The following TNRC18 variants were observed in gnomAD, a reference collection of about 807,000 sequenced individuals.
TNRC18 encodes the protein trinucleotide repeat-containing gene 18 protein.
TNRC18 carries 69 observed loss-of-function variants against 226.7 expected under a neutral mutation model. That is an observed-to-expected ratio of 0.30 (90% CI 0.25 to 0.37). The LOEUF is 0.37. TNRC18 is among the 10% of genes least tolerant of loss of function. TNRC18 has a pLI of 1.00. For synonymous variants in TNRC18, 2,449 were observed against 1,927.6 expected (o/e 1.27, Z -7.09); for missense variants, 4,754 against 4,256.6 (o/e 1.12, Z -3.25).
At position 5,356,668 on chromosome 7, in the gene TNRC18, C is replaced by T. The variant is rs1378942650; in HGVS notation, c.5194+248G>A. Reference sequence around the variant, plus strand: ...TCGGCTCCCAACCGCCAATCACGGGCGCCCACCAATCACAAGCACCTGCCT... The same window carrying T: ...TCGGCTCCCAACCGCCAATCACGGGTGCCCACCAATCACAAGCACCTGCCT... On this transcript the variant is annotated intron_variant, in intron 16 of 29. Coordinates refer to ENST00000430969, the MANE Select transcript of TNRC18 (RefSeq NM_001080495.3). Among the ~76,000 whole-genome samples, 3 of 152,164 alleles carry T rather than the reference C, an allele frequency of 2.0e-5. No individual in the cohort carries two copies. The East Asian group carries it at 5.8e-4, about 29-fold the overall frequency.
At position 5,377,634 on chromosome 7, in the gene TNRC18, AGAAGCGGG is replaced by A; in HGVS notation, c.2256-66_2256-59del. 1.3e-6 allele frequency: 2 copies of A among 1,507,376 alleles called. No individual in the cohort carries two copies. The highest frequency in any genetic ancestry group is 1.8e-6 in the Non-Finnish European group (2 of 1,113,752). The allele number at this position is 1,507,376 out of a possible 1,614,324, so 93.4% of individuals were successfully genotyped here. On this transcript the variant is annotated intron_variant, in intron 6 of 29. Coordinates refer to ENST00000430969, the MANE Select transcript of TNRC18 (RefSeq NM_001080495.3). This position sits in a 1 kb window ranked among gnomAD's most constrained non-coding sequence, Gnocchi z 5.8. ...TCGGACAGCCCAGGGGACGAGAGGG[AGAAGCGGG>A]GTTGCCCCAAGGAACTGTTTGCCAC... is the stretch of plus-strand genomic sequence containing the variant.
At chr7:5,398,890 C>G (rs1357280431) in intron 2 of TNRC18, among the ~76,000 whole-genome samples, 1 of 152,176 alleles carries the variant, frequency 6.6e-6, no homozygotes, top group African/African-American at 2.4e-5. Flanking sequence ...TCCCAAAGTG[C>G]TGGGATTACA....
In TNRC18 at chr7:5,308,011, T is replaced by A; in HGVS notation, c.*95A>T. 4 of 1,203,982 alleles carry A rather than the reference T, an allele frequency of 3.3e-6. No homozygotes were observed. The highest frequency in any genetic ancestry group is 4.7e-6 in the Non-Finnish European group (4 of 859,990). 74.6% of individuals were successfully genotyped at this position (1,203,982 alleles called of 1,614,324 possible). A position where few individuals can be genotyped will look rare whatever the true frequency, so the allele number is the denominator to read the frequency against. On this transcript the variant is annotated 3_prime_UTR_variant, in exon 30 of 30. Coordinates refer to ENST00000430969, the MANE Select transcript of TNRC18 (RefSeq NM_001080495.3). ...GCACACGCCTGCAGGAGCGCTCGCATGCACACAACGCACGTGGTCTCCGCG... is the reference window on the plus strand; with the variant it reads ...GCACACGCCTGCAGGAGCGCTCGCAAGCACACAACGCACGTGGTCTCCGCG...
intron 21 of TNRC18, 116 bp from the exon 22 acceptor site, chr7:5,321,306 C>T: frequency 4.2e-6 from 3 of 712,820 alleles, no homozygotes; most frequent in Middle Eastern, 8.0e-4. Context: ...ACCGGGTGGG[C>T]CTGTGGGGCT....
intron 19 of TNRC18, among the ~76,000 whole-genome samples, chr7:5,327,626 T>G (rs1476400798): frequency 6.6e-6 from 1 of 152,036 alleles, no homozygotes; most frequent in Non-Finnish European, 1.5e-5. Context: ...AAAAAAGGCC[T>G]GAATGGATTT....
chr7:5,413,953 G>C (rs1448325433), intron 2 of TNRC18, among the ~76,000 whole-genome samples: 1 of 152,066 alleles, frequency 6.6e-6, no homozygotes, highest in East Asian at 1.9e-4. Context: ...TGCTCTCACT[G>C]TCTTATTTGT....
rs186175615 is a variant in TNRC18 at position 5,396,102 on chromosome 7, C to T, written c.188-1507G>A. On this transcript the variant is annotated intron_variant, in intron 2 of 29. Coordinates refer to ENST00000430969, the MANE Select transcript of TNRC18 (RefSeq NM_001080495.3). ...AGGAGAATCACTTGAAGCCCGGAGG[C>T]GGAGGTTGCAGTGAGCCGAGATCGC... Among the ~76,000 whole-genome samples the T allele has an allele frequency of 8.1e-4, 101 of 124,952 alleles. 2 individuals carry two copies. In the East Asian group the frequency reaches 0.023, roughly 28 times the overall value. The allele number at this position is 124,952 out of a possible 152,430, so 82.0% of individuals were successfully genotyped here.
chr7:5,373,876 C>A (rs977482043), intron 10 of TNRC18, among the ~76,000 whole-genome samples, 179 bp downstream of exon 10: 1 of 151,990 alleles, frequency 6.6e-6, no homozygotes, highest in Non-Finnish European at 1.5e-5. Context: ...CGGGGAGAGG[C>A]TGGATTTGAC....
chr7:5,311,160 G>T (rs1044131103), intron 27 of TNRC18, among the ~76,000 whole-genome samples: 5 of 152,158 alleles, frequency 3.3e-5, no homozygotes, highest in African/African-American at 1.2e-4. Flanking sequence ...GTGTGTGGCT[G>T]TATGTGCATT....
At chr7:5,345,517 G>GGGGGGGCCCCCCCCCCCCCCCCCCCCCCC in intron 18 of TNRC18, 45 bp downstream of exon 18, 2 of 377,736 alleles carry the variant, frequency 5.3e-6, no homozygotes, top group Non-Finnish European at 9.7e-6. Flanking sequence ...AATGGCGTCC[G>GGGGGGGCCCCCCCCCCCCCCCCCCCCCCC]CCCCTCCCAC....
intron 2 of TNRC18, among the ~76,000 whole-genome samples, chr7:5,407,968 A>G (rs1309428806): frequency 6.6e-6 from 1 of 152,190 alleles, no homozygotes; most frequent in African/African-American, 2.4e-5. Context: ...GTGAGCCTAC[A>G]AGAGACTGCA....
chr7:5,372,541 C>T (rs1157809032), intron 10 of TNRC18, among the ~76,000 whole-genome samples: 1 of 146,524 alleles, frequency 6.8e-6, no homozygotes, highest in Non-Finnish European at 1.5e-5. Context: ...TCCATCTCTA[C>T]TAAAAAAAAA....
chr7:5,400,677 A>C (rs1781023815), intron 2 of TNRC18, among the ~76,000 whole-genome samples: 1 of 152,194 alleles, frequency 6.6e-6, no homozygotes, highest in African/African-American at 2.4e-5. Flanking sequence ...AATACACCAA[A>C]CACCACTAAA....
At chr7:5,375,981 C>T (rs950874789) in intron 9 of TNRC18, 53 bp downstream of exon 9, 8 of 1,502,930 alleles carry the variant, frequency 5.3e-6, no homozygotes, top group African/African-American at 1.4e-5. Flanking sequence ...TCGTCTGCCT[C>T]GTCACCCATG....
At chr7:5,356,568 T>G (rs930022405) in intron 16 of TNRC18, among the ~76,000 whole-genome samples, 1 of 152,194 alleles carries the variant, frequency 6.6e-6, no homozygotes, top group African/African-American at 2.4e-5. Flanking sequence ...CCGCAAACTC[T>G]ATGACGCACA....
intron 11 of TNRC18, among the ~76,000 whole-genome samples, chr7:5,369,765 G>A (rs1583946079): frequency 6.6e-6 from 1 of 152,212 alleles, no homozygotes; most frequent in East Asian, 1.9e-4. Flanking sequence ...ATTTAAATGA[G>A]AGTTTCTGTT....
chr7:5,409,326 G>C (rs1160330794), intron 2 of TNRC18, among the ~76,000 whole-genome samples: 1 of 151,998 alleles, frequency 6.6e-6, no homozygotes, highest in Admixed American at 6.6e-5. Flanking sequence ...GGGAATTAAT[G>C]TATGCATGAA....
At chr7:5,359,098 G>C (rs9691358) in intron 15 of TNRC18, among the ~76,000 whole-genome samples, 5 of 152,194 alleles carry the variant, frequency 3.3e-5, no homozygotes, top group African/African-American at 1.2e-4. Context: ...ACTTGGTTAA[G>C]AACTTGTGTC....
At chr7:5,380,595 G>A (rs567363999) in intron 5 of TNRC18, among the ~76,000 whole-genome samples, 3 of 152,292 alleles carry the variant, frequency 2.0e-5, no homozygotes, top group Non-Finnish European at 4.4e-5. Flanking sequence ...TGACGAGGGC[G>A]CCTGGACACG....
Sources: gnomAD v4.1 joint callset for allele counts (sites outside exome capture counted in the v4.1 genomes callset) on GRCh38, gnomAD v4.1.1 for gene constraint, Gnocchi (gnomAD v3.1) non-coding constraint, MANE v1.5 for transcripts, NCBI Gene and HGNC (gene_info 2026-07-23, HGNC 2026-07-21) for gene names.